PXDNL: variants seen among roughly 807,000 people sequenced by gnomAD.
The protein encoded by PXDNL is peroxidasin like.
Under a neutral mutation model 150.8 loss-of-function variants are expected in PXDNL, and 145 were observed. That is an observed-to-expected ratio of 0.96 (90% CI 0.84 to 1.10). The LOEUF (loss-of-function observed/expected upper bound fraction) is 1.10, where lower values mean the gene tolerates loss of function less well. PXDNL is among the 50% of genes least tolerant of loss of function. The pLI is 0.00. For missense variants in PXDNL, 2,087 were observed against 1,873.9 expected, an observed-to-expected ratio of 1.11 and a Z score of -2.10; for synonymous variants, 757 against 725.7, an observed-to-expected ratio of 1.04 and a Z score of -0.69.
At chr8:51,602,080 G>C (rs1027235755) in intron 2 of PXDNL, among the ~76,000 whole-genome samples, 2 of 151,714 alleles carry the variant, frequency 1.3e-5, no homozygotes, top group Non-Finnish European at 2.9e-5. Context: ...AAGGCCGTTA[G>C]CCTGATGGGC....
At chr8:51,331,524 C>T (rs1193731989) in intron 21 of PXDNL, among the ~76,000 whole-genome samples, 1 of 152,184 alleles carries the variant, frequency 6.6e-6, no homozygotes, top group East Asian at 1.9e-4. Context: ...ACAGACATCA[C>T]AGGCAGGGGA....
chr8:51,591,488 C>G (rs1813442011), intron 3 of PXDNL, among the ~76,000 whole-genome samples: 1 of 138,816 alleles, frequency 7.2e-6, no homozygotes. Flanking sequence ...GGAGATACTA[C>G]AGTTGTATAA....
chr8:51,733,100 T>C (rs1002666423), intron 1 of PXDNL, among the ~76,000 whole-genome samples: 4 of 152,212 alleles, frequency 2.6e-5, no homozygotes, highest in African/African-American at 9.7e-5. Flanking sequence ...GCCTGTCACA[T>C]GGTAGGTGCT....
chr8:51,728,595 A>G (rs544448730), intron 1 of PXDNL, among the ~76,000 whole-genome samples: 3 of 152,272 alleles, frequency 2.0e-5, no homozygotes, highest in Non-Finnish European at 4.4e-5. Flanking sequence ...TGAAAAAAAA[A>G]TTTAAAAATT....
At chr8:51,772,444 C>A (rs1349070578) in intron 1 of PXDNL, among the ~76,000 whole-genome samples, 2 of 152,076 alleles carry the variant, frequency 1.3e-5, no homozygotes, top group African/African-American at 2.4e-5. Flanking sequence ...GTGGGAGAGC[C>A]TGGAGCCAGG....
chr8:51,648,376 C>A (rs1449872949), intron 2 of PXDNL, among the ~76,000 whole-genome samples: 1 of 152,194 alleles, frequency 6.6e-6, no homozygotes, highest in South Asian at 2.1e-4. Flanking sequence ...AGAGACTCTA[C>A]AGACACTGAA....
At chr8:51,683,164 CATATATATATATATATATATATATAT>C (rs71237228) in intron 1 of PXDNL, among the ~76,000 whole-genome samples, 5 of 44,462 alleles carry the variant, frequency 1.1e-4, no homozygotes, top group South Asian at 2.9e-3. Flanking sequence ...AATTGTCTTT[CATATATATATATATATATATATATAT>C]ATATATATAT....
At chr8:51,731,374 A>C (rs956720840) in intron 1 of PXDNL, among the ~76,000 whole-genome samples, 1 of 152,346 alleles carries the variant, frequency 6.6e-6, no homozygotes, top group African/African-American at 2.4e-5. Context: ...TCCAGGTCAC[A>C]CTGATGCAAG....
intron 4 of PXDNL, among the ~76,000 whole-genome samples, chr8:51,534,956 GGGA>G (rs1291154336): frequency 9.2e-6 from 1 of 108,268 alleles, no homozygotes; most frequent in Non-Finnish European, 1.7e-5. Flanking sequence ...CGCCCCGTCC[GGGA>G]GGGAGGTGGG....
At chr8:51,382,615 C>G (rs1230311477) in intron 17 of PXDNL, among the ~76,000 whole-genome samples, 2 of 151,928 alleles carry the variant, frequency 1.3e-5, no homozygotes, top group Non-Finnish European at 2.9e-5. Context: ...TGATTTTGTA[C>G]AGCAGTTTTA....
chr8:51,699,291 C>T (rs1301365745), intron 1 of PXDNL, among the ~76,000 whole-genome samples: 1 of 152,154 alleles, frequency 6.6e-6, no homozygotes, highest in Non-Finnish European at 1.5e-5. Flanking sequence ...TAACTCGATG[C>T]TAAGCACTTG....
chr8:51,438,568 A>G (rs1809463452), intron 12 of PXDNL, among the ~76,000 whole-genome samples: 1 of 152,190 alleles, frequency 6.6e-6, no homozygotes. Flanking sequence ...ACAAAAAATT[A>G]GCCAGGCATG....
chr8:51,610,940 T>C (rs1813985625), intron 2 of PXDNL, among the ~76,000 whole-genome samples: 1 of 151,350 alleles, frequency 6.6e-6, no homozygotes, highest in Non-Finnish European at 1.5e-5. Flanking sequence ...TCACTAAATA[T>C]GAAAAAAATC....
intron 1 of PXDNL, among the ~76,000 whole-genome samples, chr8:51,666,288 T>C (rs892224707): frequency 2.0e-5 from 3 of 152,184 alleles, no homozygotes; most frequent in African/African-American, 7.2e-5. Flanking sequence ...TTCCAGACCA[T>C]GTTCTTCTGC....
chr8:51,496,166 C>T (rs1394363910), intron 5 of PXDNL, among the ~76,000 whole-genome samples: 1 of 152,102 alleles, frequency 6.6e-6, no homozygotes, highest in Non-Finnish European at 1.5e-5. Flanking sequence ...ATAAACAGAA[C>T]CAATGACAAA....
Position 51,613,605 on chromosome 8 carries a change from G to T in PXDNL, c.237-20907C>A, listed in dbSNP as rs1287849633. Among the ~76,000 whole-genome samples, 3 of 152,132 alleles carry T rather than the reference G, an allele frequency of 2.0e-5. No homozygotes were observed. In the East Asian group the frequency reaches 5.8e-4, roughly 29 times the overall value. On this transcript the variant is annotated intron_variant, in intron 2 of 22. Transcript: ENST00000356297. ...AGTCGAATAAGAGAAAAACTTGGCTGTCCACAATAATTTAGCAACTGCTTC... is the reference window on the plus strand; with the variant it reads ...AGTCGAATAAGAGAAAAACTTGGCTTTCCACAATAATTTAGCAACTGCTTC...
intron 1 of PXDNL, among the ~76,000 whole-genome samples, chr8:51,767,944 A>T (rs936215307): frequency 1.3e-5 from 2 of 152,248 alleles, no homozygotes; most frequent in Admixed American, 6.5e-5. Flanking sequence ...AAAAGTTTCC[A>T]GATAGAACAA....
chr8:51,682,457 C>T lies in PXDNL; in HGVS notation c.165-27697G>A, dbSNP rs191014019. Among the ~76,000 whole-genome samples, 65 of 152,218 alleles carry T rather than the reference C, an allele frequency of 4.3e-4. No homozygotes were observed. The East Asian group carries it at 4.8e-3, about 11-fold the overall frequency. On this transcript the variant is annotated intron_variant, in intron 1 of 22. Coordinates refer to ENST00000356297, the MANE Select transcript of PXDNL (RefSeq NM_144651.5). ...GGGTGAGGGGCCCTTGTAATTGGTA[C>T]GGTGTCCACATGCCTGGAGAATGAG...
At chr8:51,371,668 G>A (rs757681249) in intron 19 of PXDNL, among the ~76,000 whole-genome samples, 3 of 152,238 alleles carry the variant, frequency 2.0e-5, no homozygotes, top group African/African-American at 2.4e-5. Flanking sequence ...CAAGGTTAGT[G>A]TGGAATGGAA....
Sources: allele counts gnomAD v4.1 joint callset (sites outside exome capture counted in the v4.1 genomes callset), GRCh38; gene constraint gnomAD v4.1.1; transcripts MANE v1.5; gene names NCBI Gene and HGNC (gene_info 2026-07-23, HGNC 2026-07-21).